Variants in TEK observed in about 807,000 individuals in gnomAD.
The protein encoded by TEK is TEK receptor tyrosine kinase, also known as angiopoietin-1 receptor.
In TEK, 43 loss-of-function variants were observed where a neutral mutation model predicts 131.8. The ratio of observed to expected loss-of-function variants is 0.33; its 90% CI spans 0.26 to 0.42. The LOEUF (loss-of-function observed/expected upper bound fraction) is 0.42, where lower values mean the gene tolerates loss of function less well. Among genes scored for constraint, TEK ranks in the 10% least tolerant of loss-of-function variants. The pLI, the probability that TEK is intolerant of heterozygous loss-of-function variation, is 1.00. For missense variants in TEK, 1,162 were observed against 1,384.4 expected (o/e 0.84, Z 2.55); for synonymous variants, 580 against 491.6 (o/e 1.18, Z -2.38).
intron 1 of TEK, among the ~76,000 whole-genome samples, chr9:27,126,060 C>A (rs763778479): frequency 2.6e-5 from 4 of 152,076 alleles, no homozygotes; most frequent in Non-Finnish European, 5.9e-5. Context: ...TTCTGTAAAC[C>A]ACGAACACGA....
At chr9:27,183,709 C>T (rs2131170590) in intron 8 of TEK, 99 bp downstream of exon 8, 4 of 1,488,758 alleles carry the variant, frequency 2.7e-6, no homozygotes, top group Non-Finnish European at 2.8e-6. Context: ...CTTTTATCCT[C>T]CTAGGCTAGT....
At chr9:27,212,638 A>G (rs1416972680) in intron 16 of TEK, 69 bp from the exon 17 acceptor site, 2 of 1,559,392 alleles carry the variant, frequency 1.3e-6, no homozygotes, top group African/African-American at 1.4e-5. Context: ...CAATTTCCAC[A>G]GCACATCTCT....
chr9:27,225,250 A>C (rs1308710554), intron 21 of TEK, among the ~76,000 whole-genome samples: 1 of 152,222 alleles, frequency 6.6e-6, no homozygotes, highest in Non-Finnish European at 1.5e-5. Flanking sequence ...TTTAAATTTC[A>C]TATGGAACCA....
At chr9:27,217,960 G>A (rs1825879536) in intron 19 of TEK, among the ~76,000 whole-genome samples, 1 of 152,120 alleles carries the variant, frequency 6.6e-6, no homozygotes, top group Non-Finnish European at 1.5e-5. Context: ...GGCAGGTTTT[G>A]GGTTTCCCTC....
intron 22 of TEK, 57 bp downstream of exon 22, chr9:27,228,362 T>C: frequency 7.2e-7 from 1 of 1,383,444 alleles, no homozygotes; most frequent in Non-Finnish European, 1.0e-6. Context: ...GTGCCCAGGG[T>C]GGTTCATAAA....
intron 6 of TEK, among the ~76,000 whole-genome samples, chr9:27,175,104 A>G (rs1052921473): frequency 6.9e-6 from 1 of 145,842 alleles, no homozygotes; most frequent in Non-Finnish European, 1.5e-5. Context: ...GTCATTTAGC[A>G]TTAGGTATAT....
At chr9:27,160,754 T>A (rs1823517284) in intron 2 of TEK, among the ~76,000 whole-genome samples, 1 of 152,214 alleles carries the variant, frequency 6.6e-6, no homozygotes, top group South Asian at 2.1e-4. Context: ...AAAACTAGAA[T>A]GTTCACCTTT....
At chr9:27,177,513 G>A (rs1824213951) in intron 6 of TEK, among the ~76,000 whole-genome samples, 1 of 152,216 alleles carries the variant, frequency 6.6e-6, no homozygotes, top group African/African-American at 2.4e-5. Flanking sequence ...CACTTTGGGA[G>A]GCCAAGGCGG....
intron 4 of TEK, among the ~76,000 whole-genome samples, chr9:27,172,323 A>G (rs1422533104): frequency 6.6e-6 from 1 of 152,050 alleles, no homozygotes; most frequent in African/African-American, 2.4e-5. Context: ...CTTCTTTGCT[A>G]CTTAGTTGGT....
chr9:27,227,358 A>G (rs975617359), intron 21 of TEK, among the ~76,000 whole-genome samples: 1 of 152,214 alleles, frequency 6.6e-6, no homozygotes, highest in Non-Finnish European at 1.5e-5. Flanking sequence ...AGATATAAAT[A>G]CATGATGCAA....
chr9:27,120,647 A>G (rs1821750872), intron 1 of TEK, among the ~76,000 whole-genome samples: 1 of 152,214 alleles, frequency 6.6e-6, no homozygotes, highest in South Asian at 2.1e-4. Context: ...TGAAAAGGGG[A>G]GGCATTCATC....
intron 1 of TEK, among the ~76,000 whole-genome samples, chr9:27,109,891 G>A (rs753092825): frequency 1.3e-5 from 2 of 152,086 alleles, no homozygotes; most frequent in Non-Finnish European, 2.9e-5. Context: ...TTTGAGGACC[G>A]ATTAAATCAT....
intron 1 of TEK, among the ~76,000 whole-genome samples, chr9:27,130,996 G>A (rs1438714895): frequency 3.3e-5 from 5 of 152,132 alleles, no homozygotes; most frequent in East Asian, 3.8e-4. Flanking sequence ...ATAAGCATGC[G>A]AAAAGTTTAC....
At chr9:27,217,157 C>T (rs1397711313) in intron 18 of TEK, among the ~76,000 whole-genome samples, 1 of 152,212 alleles carries the variant, frequency 6.6e-6, no homozygotes, top group Non-Finnish European at 1.5e-5. Flanking sequence ...TACTGTTACA[C>T]ATGCACACTG....
At chr9:27,203,186 G>C (rs1825283196) in intron 13 of TEK, 67 bp downstream of exon 13, 1 of 1,563,238 alleles carries the variant, frequency 6.4e-7, no homozygotes, top group Non-Finnish European at 8.8e-7. Flanking sequence ...GGTTTATCAG[G>C]ACAGGCCTGT....
chr9:27,214,333 C>T (rs544552782), intron 18 of TEK, among the ~76,000 whole-genome samples: 1 of 152,310 alleles, frequency 6.6e-6, no homozygotes, highest in African/African-American at 2.4e-5. Flanking sequence ...TTAGGGATGA[C>T]AAGCCCTGCA....
At chr9:27,212,931 C>G (rs1269717792) in intron 17 of TEK, 34 bp downstream of exon 17, 1 of 1,607,060 alleles carries the variant, frequency 6.2e-7, no homozygotes, top group Non-Finnish European at 8.5e-7. Context: ...GGATATCTTT[C>G]CTGTGGAGTT....
At chr9:27,171,460 A>G (rs564281130) in intron 4 of TEK, among the ~76,000 whole-genome samples, 41 of 152,352 alleles carry the variant, frequency 2.7e-4, no homozygotes, top group African/African-American at 4.3e-4. Context: ...GTCATTCCCA[A>G]TCAGAGTAGG....
chr9:27,158,685 G>A (rs1377173495), intron 2 of TEK, among the ~76,000 whole-genome samples: 1 of 148,628 alleles, frequency 6.7e-6, no homozygotes, highest in Non-Finnish European at 1.5e-5. Context: ...TGGGGGGGTG[G>A]AGTCTCACTC....
Sources: gnomAD v4.1 joint callset for allele counts (sites outside exome capture counted in the v4.1 genomes callset) on GRCh38, gnomAD v4.1.1 for gene constraint, MANE v1.5 for transcripts, NCBI Gene and HGNC (gene_info 2026-07-23, HGNC 2026-07-21) for gene names.